The following KRT33B variants were observed in gnomAD, a reference collection of about 807,000 sequenced individuals.
KRT33B encodes the protein keratin 33B, also known as keratin, type I cuticular Ha3-II.
KRT33B carries 37 observed loss-of-function variants against 42.7 expected under a neutral mutation model. That is an observed-to-expected ratio of 0.87 (90% CI 0.67 to 1.14). The LOEUF (loss-of-function observed/expected upper bound fraction) is 1.14. Among genes scored for constraint, KRT33B ranks in the 50% most tolerant of loss-of-function variants. KRT33B has a pLI of 0.00. For synonymous variants in KRT33B, 237 were observed against 221.2 expected (o/e 1.07, Z -0.63); for missense variants, 523 against 515.1 (o/e 1.02, Z -0.15).
chr17:41,366,677 T>C (rs2017706270), intron 2 of KRT33B, 51 bp from the exon 3 acceptor site: 3 of 1,520,636 alleles, frequency 2.0e-6, no homozygotes, highest in Non-Finnish European at 2.6e-6. Flanking sequence ...AAAGTCTTTG[T>C]TTCCCGGCCT....
In KRT33B at chr17:41,369,529, C is replaced by T. The variant is rs767314075; in HGVS notation, c.222G>A (p.Val74=). ...NDRLASYLEK[V]RQLERDNAEL... is the part of the protein sequence containing the mutation. Reference sequence around the variant, plus strand: ...CCGCGTTGTCCCGCTCCAGCTGACGCACCTTCTCCAGGTAGCTGGCCAGGC... The same window carrying T: ...CCGCGTTGTCCCGCTCCAGCTGACGTACCTTCTCCAGGTAGCTGGCCAGGC... The change falls in exon 1 of 7, where the codon GTG becomes GTA. Residue 74 remains valine, a synonymous_variant. Coordinates refer to ENST00000251646, the MANE Select transcript of KRT33B (RefSeq NM_002279.5). 10 of 1,613,662 alleles carry T rather than the reference C, an allele frequency of 6.2e-6. No homozygotes were observed. Among genetic ancestry groups the T allele is most frequent in the Admixed American group, 1.7e-5 (1 of 59,994 alleles).
At chr17:41,365,824 C>G (rs1193614534) in intron 3 of KRT33B, among the ~76,000 whole-genome samples, 2 of 151,344 alleles carry the variant, frequency 1.3e-5, no homozygotes, top group South Asian at 2.1e-4. Flanking sequence ...AGTGATAAGC[C>G]TGGCATGATA....
In KRT33B at chr17:41,366,544, A is replaced by G. The variant is rs574776084; in HGVS notation, c.514T>C (p.Cys172Arg). The part of the protein sequence containing the change: ...LRRILDELTL[C>R]RSDLEAQMES... ...ATCTGGGCCTCCAGGTCAGACCTGCACAGGGTCAGCTCATCCAGAATCCTG... is the reference window on the plus strand; with the variant it reads ...ATCTGGGCCTCCAGGTCAGACCTGCGCAGGGTCAGCTCATCCAGAATCCTG... Residue 172 changes from cysteine (C) to arginine (R), a missense_variant, in exon 3 of 7, where the codon TGC (cysteine) becomes CGC (arginine). Physicochemically the swap from Cys to Arg is radical, Grantham distance 180. Transcript: ENST00000251646. 8 of 1,612,548 alleles carry G rather than the reference A, an allele frequency of 5.0e-6. No homozygotes were observed. In the South Asian group the frequency reaches 8.8e-5, roughly 18 times the overall value.
At position 41,369,704 on chromosome 17, in the gene KRT33B, C is replaced by T; in HGVS notation, c.47G>A (p.Cys16Tyr). 1 of 1,613,958 alleles carries T rather than the reference C, an allele frequency of 6.2e-7. No homozygotes were observed. The highest frequency in any genetic ancestry group is 8.5e-7 in the Non-Finnish European group (1 of 1,179,912). Reference protein sequence around the residue: ...CLPSLSCRTSCSSRPCVPPSC... With the variant: ...CLPSLSCRTSYSSRPCVPPSC... ...GGGGGGCACACAGGGCCGGGAGGAG[C>T]AGCTGGTGCGGCAGCTCAGGCTGGG... The change falls in exon 1 of 7, where the codon TGC (cysteine) becomes TAC (tyrosine). Residue 16 changes from cysteine (C) to tyrosine (Y), a missense_variant. Physicochemically the swap from Cys to Tyr is radical, Grantham distance 194. Transcript: ENST00000251646.
Position 41,365,677 on chromosome 17 carries a change from C to G in KRT33B, c.589-124G>C, listed in dbSNP as rs9902234. On this transcript the variant is annotated intron_variant, in intron 3 of 6. Transcript: ENST00000251646. ...TTAGGAAACATGAGTTGAAGCCCAGCTGTCACCTCTGGAAATTCTGGCCTC... is the reference window on the plus strand; with the variant it reads ...TTAGGAAACATGAGTTGAAGCCCAGGTGTCACCTCTGGAAATTCTGGCCTC... The G allele has an allele frequency of 1.2e-3, 1,517 of 1,255,952 alleles. 93 individuals carry two copies. The African/African-American group carries it at 0.021, about 17-fold the overall frequency. 77.8% of individuals were successfully genotyped at this position (1,255,952 alleles called of 1,614,324 possible).
chr17:41,366,692 T>C (rs2017706566), intron 2 of KRT33B, 66 bp from the exon 3 acceptor site: 1 of 1,452,954 alleles, frequency 6.9e-7, no homozygotes, highest in African/African-American at 1.5e-5. Context: ...CGGCCTTTAC[T>C]TGGCTGACTT....
intron 5 of KRT33B, 61 bp downstream of exon 5, chr17:41,365,114 A>T (rs2017679047): frequency 6.2e-7 from 1 of 1,609,384 alleles, no homozygotes; most frequent in African/African-American, 1.4e-5. Flanking sequence ...CCCCAAGGGC[A>T]TCCCCAAGAC....
chr17:41,364,732 A>G (rs1567670355), intron 6 of KRT33B, 47 bp downstream of exon 6: 3 of 1,608,362 alleles, frequency 1.9e-6, no homozygotes, highest in Non-Finnish European at 2.5e-6. Flanking sequence ...ATCCTACAGT[A>G]GAACAGTGCC....
rs768135735 is a variant in KRT33B at position 41,369,642 on chromosome 17, T to C, written c.109A>G (p.Ile37Val). Reference sequence around the variant, plus strand: ...TTGCAGTTGCTCACATTGGCAGGGATGTTGCAGGCCCCGGGCAGGGTGTAG... The same window carrying C: ...TTGCAGTTGCTCACATTGGCAGGGACGTTGCAGGCCCCGGGCAGGGTGTAG... ...HGYTLPGACN[I>V]PANVSNCNWF... is the part of the protein sequence containing the mutation. The change falls in exon 1 of 7, where the codon ATC (isoleucine) becomes GTC (valine). Residue 37 changes from isoleucine to valine, a missense_variant. Ile to Val is a conservative substitution (Grantham distance 29). Transcript: ENST00000251646. 6.8e-6 allele frequency: 11 copies of C among 1,613,560 alleles called. No individual in the cohort carries two copies. The highest frequency in any genetic ancestry group is 1.3e-5 in the African/African-American group (1 of 74,900).
Position 41,369,456 on chromosome 17 carries a change from G to A in KRT33B, c.295C>T (p.Leu99=), listed in dbSNP as rs9903686. 4.3e-6 allele frequency: 7 copies of A among 1,610,114 alleles called. No homozygotes were observed. Among genetic ancestry groups the A allele is most frequent in the Non-Finnish European group, 5.9e-6 (7 of 1,180,028 alleles). The part of the protein sequence containing the change: ...RERSQQQEPL[L]CPSYQSYFKT... Reference sequence around the variant, plus strand: ...AAGTAGGACTGGTAGCTGGGGCACAGCAAGGGCTCCTGCTGCTGAGACCGC... The same window carrying A: ...AAGTAGGACTGGTAGCTGGGGCACAACAAGGGCTCCTGCTGCTGAGACCGC... Residue 99 remains leucine, a synonymous_variant, in exon 1 of 7, where the codon CTG becomes TTG. Transcript: ENST00000251646.
intron 3 of KRT33B, among the ~76,000 whole-genome samples, chr17:41,366,064 A>T (rs1036150596): frequency 6.6e-6 from 1 of 151,242 alleles, no homozygotes; most frequent in African/African-American, 2.5e-5. Flanking sequence ...TCATCCATCC[A>T]TCCATTCATC....
At position 41,365,414 on chromosome 17, in the gene KRT33B, A is replaced by C. The variant is rs1206938439; in HGVS notation, c.728T>G (p.Val243Gly). The C allele has an allele frequency of 5.0e-6, 8 of 1,612,112 alleles. No homozygotes were observed. Among genetic ancestry groups the C allele is most frequent in the Non-Finnish European group, 8.5e-7 (1 of 1,179,812 alleles). ...EALVETNRRE[V>G]EQWFATQTEE... is the part of the protein sequence containing the mutation. ...CACCTGCGTGGCGAACCATTGCTCC[A>C]CTTCCCTGCGGTTGGTTTCCACCAG... Residue 243 changes from valine to glycine, a missense_variant, in exon 4 of 7, where the codon GTG becomes GGG. Transcript: ENST00000251646.
chr17:41,366,485 C>T lies in KRT33B; in HGVS notation c.573G>A (p.Lys191=), dbSNP rs1252666778. 2 of 1,612,406 alleles carry T rather than the reference C, an allele frequency of 1.2e-6. No homozygotes were observed. Among genetic ancestry groups the T allele is most frequent in the Non-Finnish European group, 1.7e-6 (2 of 1,180,004 alleles). The part of the protein sequence containing the change: ...ESLKEELLSL[K]QNHEQEVNTL... ...GGACTCTTACCTGCTCATGGTTCTG[C>T]TTGAGGGACAGCAGCTCCTCCTTCA... The change falls in exon 3 of 7, where the codon AAG becomes AAA. Residue 191 remains lysine (K), a synonymous_variant. Coordinates refer to ENST00000251646, the MANE Select transcript of KRT33B (RefSeq NM_002279.5).
chr17:41,368,923 G>A (rs992298785), intron 1 of KRT33B, among the ~76,000 whole-genome samples: 2 of 151,374 alleles, frequency 1.3e-5, no homozygotes, highest in Non-Finnish European at 2.9e-5. Flanking sequence ...CTGCTCTAGA[G>A]GATGGTCCAT....
At position 41,369,719 on chromosome 17, in the gene KRT33B, C is replaced by G; in HGVS notation, c.32G>C (p.Ser11Thr). 1 of 1,613,814 alleles carries G rather than the reference C, an allele frequency of 6.2e-7. No homozygotes were observed. The highest frequency in any genetic ancestry group is 8.5e-7 in the Non-Finnish European group (1 of 1,179,816). Reference sequence around the variant, plus strand: ...CCGGGAGGAGCAGCTGGTGCGGCAGCTCAGGCTGGGCAGGCAGAAGTTGTA... The same window carrying G: ...CCGGGAGGAGCAGCTGGTGCGGCAGGTCAGGCTGGGCAGGCAGAAGTTGTA... MPYNFCLPSL[S>T]CRTSCSSRPC... The change falls in exon 1 of 7, where the codon AGC becomes ACC. Residue 11 changes from serine to threonine, a missense_variant. Physicochemically the swap from Ser to Thr is moderately conservative, Grantham distance 58. Coordinates refer to ENST00000251646, the MANE Select transcript of KRT33B (RefSeq NM_002279.5).
rs2017681203 is a variant in KRT33B at position 41,365,195 on chromosome 17, G to A, written c.856C>T (p.Leu286=). ...RRTVNALEIE[L]QAQHNLRYSL... is the part of the protein sequence containing the mutation. ...CACACCAGGTTGTGCTGGGCCTGCA[G>A]CTCGATCTCCAGGGCATTGACTGTG... Residue 286 remains leucine (L), a synonymous_variant, in exon 5 of 7, where the codon CTG becomes TTG. Transcript: ENST00000251646. 1.9e-6 allele frequency: 3 copies of A among 1,611,752 alleles called. No individual in the cohort carries two copies. Among genetic ancestry groups the A allele is most frequent in the Non-Finnish European group, 2.5e-6 (3 of 1,180,008 alleles).
Position 41,366,531 on chromosome 17 carries a change from A to C in KRT33B, c.527T>G (p.Leu176Arg), listed in dbSNP as rs749985802. Residue 176 changes from leucine to arginine, a missense_variant, in exon 3 of 7, where the codon CTG becomes CGG. By Grantham distance (102) the Leu-to-Arg change is moderately radical (BLOSUM62 -2). Transcript: ENST00000251646. ...CTTCAGGGACTCCATCTGGGCCTCC[A>C]GGTCAGACCTGCACAGGGTCAGCTC... Reference protein sequence around the residue: ...LDELTLCRSDLEAQMESLKEE... With the variant: ...LDELTLCRSDREAQMESLKEE... The C allele has an allele frequency of 3.7e-6, 6 of 1,612,622 alleles. No individual in the cohort carries two copies. Among genetic ancestry groups the C allele is most frequent in the Non-Finnish European group, 5.1e-6 (6 of 1,180,028 alleles).
Position 41,363,936 on chromosome 17 carries a change from C to A in KRT33B, c.1115G>T (p.Cys372Phe), listed in dbSNP as rs1444351351. 2.5e-6 allele frequency: 4 copies of A among 1,610,504 alleles called. No homozygotes were observed. In the East Asian group the frequency reaches 6.7e-5, roughly 27 times the overall value. The change falls in exon 7 of 7, where the codon TGC (cysteine) becomes TTC (phenylalanine). Residue 372 changes from cysteine to phenylalanine, a missense_variant. Coordinates refer to ENST00000251646, the MANE Select transcript of KRT33B (RefSeq NM_002279.5). ...CTTTTCACATGCATTGGTGGTGGCG[C>A]AGGGGTTGGAGGGCAGCCTGGGATG... is the stretch of plus-strand genomic sequence containing the variant. ...SEDCKLPSNP[C>F]ATTNACEKPI...
Position 41,369,479 on chromosome 17 carries a change from C to T in KRT33B, c.272G>A (p.Arg91Gln), listed in dbSNP as rs147583117. 5 of 1,613,696 alleles carry T rather than the reference C, an allele frequency of 3.1e-6. No individual in the cohort carries two copies. The highest frequency in any genetic ancestry group is 1.3e-5 in the African/African-American group (1 of 74,536). Residue 91 changes from arginine to glutamine, a missense_variant, in exon 1 of 7, where the codon CGG becomes CAG. Physicochemically the swap from Arg to Gln is conservative, Grantham distance 43. Transcript: ENST00000251646. ...CAGCAAGGGCTCCTGCTGCTGAGAC[C>T]GCTCCCGGATGAGGTTCTCCAGCTC... ...NAELENLIRERSQQQEPLLCP... is the reference protein window; with the variant it reads ...NAELENLIREQSQQQEPLLCP...
Sources: gnomAD v4.1 joint callset for allele counts (sites outside exome capture counted in the v4.1 genomes callset) on GRCh38, gnomAD v4.1.1 for gene constraint, MANE v1.5 for transcripts, NCBI Gene and HGNC (gene_info 2026-07-23, HGNC 2026-07-21) for gene names.